Variants in LPIN3 observed in about 807,000 individuals in gnomAD.
LPIN3 encodes the protein phosphatidate phosphatase LPIN3.
LPIN3 carries 82 observed loss-of-function variants against 94.7 expected under a neutral mutation model. The observed-to-expected ratio is 0.87, with a 90% confidence interval of 0.72 to 1.04. The LOEUF (loss-of-function observed/expected upper bound fraction) is 1.04. Ranked by LOEUF, LPIN3 falls within the 50% of genes least tolerant of loss-of-function variation. LPIN3 has a pLI of 0.00. For missense variants in LPIN3, 996 were observed against 1,090.5 expected, an observed-to-expected ratio of 0.91 and a Z score of 1.22; for synonymous variants, 418 against 443.3, an observed-to-expected ratio of 0.94 and a Z score of 0.72.
rs752091150 is a variant in LPIN3, at chr20:41,358,243, G to T, written c.2199G>T (p.Val733=). The part of the protein sequence containing the change: ...SSLFSALHRE[V]IEKKPEVFKV... Reference sequence around the variant, plus strand: ...GTGGTTCTGGCCACCCCAGAGAGGTGATCGAGAAGAAACCAGAGGTGTTCA... The same window carrying T: ...GTGGTTCTGGCCACCCCAGAGAGGTTATCGAGAAGAAACCAGAGGTGTTCA... The change falls in exon 18 of 20, where the codon GTG becomes GTT. Residue 733 remains valine (V), a synonymous_variant. Transcript: ENST00000373257. 5.0e-6 allele frequency: 8 copies of T among 1,613,780 alleles called. No homozygotes were observed. Among genetic ancestry groups the T allele is most frequent in the Non-Finnish European group, 6.8e-6 (8 of 1,179,994 alleles).
In LPIN3 at chr20:41,349,909, A is replaced by G; in HGVS notation, c.759+15A>G. 1.2e-6 allele frequency: 2 copies of G among 1,608,442 alleles called. No homozygotes were observed. The highest frequency in any genetic ancestry group is 2.2e-5 in the South Asian group (2 of 90,550). ...GGCTGCCTAAGGTGAGTCCCTCTGTATCAACCCCAGGCCCGGCCTTTCAGG... is the reference window on the plus strand; with the variant it reads ...GGCTGCCTAAGGTGAGTCCCTCTGTGTCAACCCCAGGCCCGGCCTTTCAGG... On this transcript the variant is annotated intron_variant, in intron 6 of 19. Coordinates refer to ENST00000373257, the MANE Select transcript of LPIN3 (RefSeq NM_022896.3).
rs1451620913 is a variant in LPIN3 at position 41,352,693 on chromosome 20, A to G, written c.1451A>G (p.Asn484Ser). Residue 484 changes from asparagine to serine, a missense_variant, in exon 10 of 20, where the codon AAT (asparagine) becomes AGT (serine). Transcript: ENST00000373257. ...GACCCAAACCTAGTGGTGAAAATCA[A>G]TGGAAAGTAAGTCCCAGAGCTGGGG... is the stretch of plus-strand genomic sequence containing the variant. ...LDDPNLVVKI[N>S]GKHYNWAVAA... 78 of 1,613,960 alleles carry G rather than the reference A, an allele frequency of 4.8e-5. No individual in the cohort carries two copies. Among genetic ancestry groups the G allele is most frequent in the Non-Finnish European group, 5.9e-5 (70 of 1,179,938 alleles).
At position 41,355,887 on chromosome 20, in the gene LPIN3, G is replaced by A. The variant is rs760524310; in HGVS notation, c.1665-9G>A. On this transcript the variant is annotated splice_polypyrimidine_tract_variant and intron_variant, in intron 13 of 19. Transcript: ENST00000373257. ...GAGGAGATGGCCTGAGAGCCAGTGT[G>A]GTCCACAGGGAGAAGACAGAAGTCC... 1 of 1,613,846 alleles carries A rather than the reference G, an allele frequency of 6.2e-7. No individual in the cohort carries two copies. Among genetic ancestry groups the A allele is most frequent in the South Asian group, 1.1e-5 (1 of 91,052 alleles).
intron 7 of LPIN3, among the ~76,000 whole-genome samples, chr20:41,351,008 G>A (rs974508879): frequency 3.3e-5 from 5 of 152,096 alleles, no homozygotes; most frequent in African/African-American, 4.8e-5. Flanking sequence ...CACTTTGGAA[G>A]GCTGAGGTGG....
chr20:41,354,246 T>C (rs953432499), intron 11 of LPIN3, among the ~76,000 whole-genome samples: 5 of 152,092 alleles, frequency 3.3e-5, no homozygotes, highest in African/African-American at 9.7e-5. Flanking sequence ...GTCTTGGAGG[T>C]TGAGGGGAGT....
At position 41,349,355 on chromosome 20, in the gene LPIN3, A is replaced by G. The variant is rs546685490; in HGVS notation, c.638+183A>G. Among the ~76,000 whole-genome samples, 32 of 152,376 alleles carry G rather than the reference A, an allele frequency of 2.1e-4. No homozygotes were observed. In the South Asian group the frequency reaches 4.3e-3, roughly 21 times the overall value. ...TTTTAAATTGCGGTAAAATATACAT[A>G]ACATAAATTTACCATTTTAACTATT... On this transcript the variant is annotated intron_variant, in intron 5 of 19. Coordinates refer to ENST00000373257, the MANE Select transcript of LPIN3 (RefSeq NM_022896.3).
At chr20:41,354,969 G>GTT (rs201790173) in intron 13 of LPIN3, 106 bp downstream of exon 13, 206 of 904,548 alleles carry the variant, frequency 2.3e-4, no homozygotes, top group Middle Eastern at 7.8e-4. Context: ...CCAGCTGTGG[G>GTT]TTTTTTTTTT....
At chr20:41,351,798 G>C in intron 7 of LPIN3, 23 bp from the exon 8 acceptor site, 2 of 1,609,796 alleles carry the variant, frequency 1.2e-6, no homozygotes, top group Non-Finnish European at 1.7e-6. Flanking sequence ...CAGCTCTACA[G>C]ATATCCTCTC....
chr20:41,345,757 G>C, intron 1 of LPIN3, 39 bp from the exon 2 acceptor site: 1 of 1,574,544 alleles, frequency 6.4e-7, no homozygotes, highest in Non-Finnish European at 8.7e-7. Flanking sequence ...GGAGGAGCTG[G>C]AGCAGACCTT....
chr20:41,351,968 G>C, intron 8 of LPIN3, 48 bp downstream of exon 8: 1 of 1,613,304 alleles, frequency 6.2e-7, no homozygotes, highest in East Asian at 2.2e-5. Flanking sequence ...GGCTCCTGGG[G>C]CCAAGGGTCC....
chr20:41,357,533 C>A, intron 16 of LPIN3, 86 bp downstream of exon 16: 1 of 1,209,734 alleles, frequency 8.3e-7, no homozygotes, highest in Non-Finnish European at 1.2e-6. Context: ...TGGGGACCAG[C>A]AGGGCCCACA....
rs1041792463 is a variant in LPIN3, at chr20:41,355,759, C to T, written c.1665-137C>T. On this transcript the variant is annotated intron_variant, in intron 13 of 19. Transcript: ENST00000373257. The stretch of plus-strand genomic sequence containing the variant: ...GTCTGCCACCACTCCAAATGGGTTG[C>T]ACCTAGAGGGAGGGATCACTGATAC... The T allele has an allele frequency of 4.5e-6, 5 of 1,112,868 alleles. No individual in the cohort carries two copies. In the African/African-American group the frequency reaches 6.2e-5, roughly 14 times the overall value. 68.9% of individuals were successfully genotyped at this position (1,112,868 alleles called of 1,614,324 possible). A position where few individuals can be genotyped will look rare whatever the true frequency, so the allele number is the denominator to read the frequency against.
chr20:41,346,040 T>C (rs1396783276), intron 2 of LPIN3, 45 bp downstream of exon 2: 21 of 1,582,350 alleles, frequency 1.3e-5, no homozygotes, highest in Middle Eastern at 2.0e-4. Context: ...GAGTGGGCTT[T>C]TTAAGCTGGG....
chr20:41,346,081 G>A lies in LPIN3; in HGVS notation c.192+86G>A, dbSNP rs956346325. ...CACTACAGTCCCAGGACAGGACCTG[G>A]GGCCTCCCTTAGGTGGGGATCTGTC... is the stretch of plus-strand genomic sequence containing the variant. On this transcript the variant is annotated intron_variant, in intron 2 of 19. Transcript: ENST00000373257. 2.2e-6 allele frequency: 3 copies of A among 1,391,280 alleles called. No homozygotes were observed. In the African/African-American group the frequency reaches 4.3e-5, roughly 20 times the overall value. 86.2% of individuals were successfully genotyped at this position (1,391,280 alleles called of 1,614,324 possible). A position where few individuals can be genotyped will look rare whatever the true frequency, so the allele number is the denominator to read the frequency against.
rs137980548 is a variant in LPIN3 at position 41,356,079 on chromosome 20, A to C, written c.1803+45A>C. On this transcript the variant is annotated intron_variant, in intron 14 of 19. Transcript: ENST00000373257. ...GTGGAGGTTGGGGAGGGGCTGAGCT[A>C]ATTCTGTCTTAGAGTCCCTCAGGAC... The C allele has an allele frequency of 4.0e-4, 638 of 1,601,712 alleles. 3 individuals are homozygous for C. In the African/African-American group the frequency reaches 7.3e-3, roughly 18 times the overall value.
At chr20:41,356,905 C>A in intron 14 of LPIN3, 135 bp from the exon 15 acceptor site, 1 of 1,077,974 alleles carries the variant, frequency 9.3e-7, no homozygotes. Flanking sequence ...TCTGATGAAT[C>A]CAAGAAGCAT....
At position 41,358,491 on chromosome 20, in the gene LPIN3, T is replaced by G; in HGVS notation, c.2360T>G (p.Val787Gly). 1.2e-6 allele frequency: 2 copies of G among 1,614,046 alleles called. No individual in the cohort carries two copies. The highest frequency in any genetic ancestry group is 2.7e-5 in the African/African-American group (2 of 75,050). The stretch of plus-strand genomic sequence containing the variant: ...CTGCCTGAGTCACGCATCTTCACAG[T>G]CAACCCCCGGGGAGAGCTCATCCAG... ...VGLPESRIFT[V>G]NPRGELIQEL... Residue 787 changes from valine to glycine, a missense_variant, in exon 19 of 20, where the codon GTC becomes GGC. By Grantham distance (109) the Val-to-Gly change is moderately radical (BLOSUM62 -3). Coordinates refer to ENST00000373257, the MANE Select transcript of LPIN3 (RefSeq NM_022896.3).
At chr20:41,341,492 C>G (rs1309295559) in intron 1 of LPIN3, among the ~76,000 whole-genome samples, 1 of 152,188 alleles carries the variant, frequency 6.6e-6, no homozygotes, top group Non-Finnish European at 1.5e-5. Context: ...CTTCATCCAC[C>G]CAAACCTGGG....
chr20:41,351,481 G>T (rs953042305), intron 7 of LPIN3, among the ~76,000 whole-genome samples: 2 of 151,546 alleles, frequency 1.3e-5, no homozygotes, highest in Non-Finnish European at 2.9e-5. Context: ...ATTTTTAGTA[G>T]AAATGGGGTT....
Sources: gnomAD v4.1 joint callset for allele counts (sites outside exome capture counted in the v4.1 genomes callset) on GRCh38, gnomAD v4.1.1 for gene constraint, MANE v1.5 for transcripts, NCBI Gene and HGNC (gene_info 2026-07-23, HGNC 2026-07-21) for gene names.